The following SLC2A9 variants were observed in gnomAD, a reference collection of about 807,000 sequenced individuals.
SLC2A9 encodes the protein solute carrier family 2 member 9, also known as solute carrier family 2, facilitated glucose transporter member 9.
Under a neutral mutation model 50.6 loss-of-function variants are expected in SLC2A9, and 39 were observed. That is an observed-to-expected ratio of 0.77 (90% CI 0.60 to 1.01). The LOEUF is 1.01. Ranked by LOEUF, SLC2A9 falls within the 50% of genes least tolerant of loss-of-function variation. The pLI is 0.00. For synonymous variants in SLC2A9, 324 were observed against 276.9 expected, an observed-to-expected ratio of 1.17 and a Z score of -1.69; for missense variants, 686 against 677.6, an observed-to-expected ratio of 1.01 and a Z score of -0.14.
chr4:9,996,656 G>A (rs1245607451), intron 3 of SLC2A9, 125 bp downstream of exon 3: 2 of 1,186,608 alleles, frequency 1.7e-6, no homozygotes, highest in Non-Finnish European at 2.4e-6. Flanking sequence ...TTCCCCTTTG[G>A]GCATTTGAAT....
chr4:10,007,925 C>T (rs771429935), intron 2 of SLC2A9, among the ~76,000 whole-genome samples: 3 of 152,160 alleles, frequency 2.0e-5, no homozygotes, highest in African/African-American at 7.2e-5. Flanking sequence ...TGTGAAGTCC[C>T]GAGCATGATG....
upstream of SLC2A9, among the ~76,000 whole-genome samples, chr4:10,025,502 A>G (rs996234576): frequency 3.3e-5 from 5 of 152,234 alleles, no homozygotes; most frequent in Non-Finnish European, 4.4e-5. Flanking sequence ...AAGTCATTCT[A>G]TTAATAGGAG....
intron 3 of SLC2A9, chr4:9,782,976 A>G (rs1331180936): frequency 1.4e-5 from 22 of 1,613,970 alleles, no homozygotes; most frequent in Middle Eastern, 3.3e-4. Flanking sequence ...TTCATCCTTA[A>G]CTGCATGGTC....
upstream of SLC2A9, among the ~76,000 whole-genome samples, chr4:10,022,419 A>G (rs1352175198): frequency 6.6e-6 from 1 of 152,286 alleles, no homozygotes; most frequent in Non-Finnish European, 1.5e-5. Context: ...CTGAGGGGAC[A>G]TGTCCTGTAT....
intron 5 of SLC2A9, among the ~76,000 whole-genome samples, chr4:9,959,369 C>A (rs552433332): frequency 6.7e-6 from 1 of 149,440 alleles, no homozygotes; most frequent in East Asian, 1.9e-4. Context: ...TGCACTCTAG[C>A]CTCGGAGATA....
intron 10 of SLC2A9, among the ~76,000 whole-genome samples, chr4:9,850,420 C>T (rs1011711955): frequency 1.3e-5 from 2 of 152,160 alleles, no homozygotes; most frequent in Admixed American, 6.5e-5. Flanking sequence ...GTGTGACTGT[C>T]AGACCTGGAC....
At chr4:9,843,697 G>A (rs1421386172) in intron 10 of SLC2A9, among the ~76,000 whole-genome samples, 1 of 152,194 alleles carries the variant, frequency 6.6e-6, no homozygotes, top group Non-Finnish European at 1.5e-5. Context: ...AAGCTTAAAG[G>A]ACCTAATGCA....
At chr4:9,832,983 G>C (rs1180989302) in intron 11 of SLC2A9, among the ~76,000 whole-genome samples, 1 of 152,188 alleles carries the variant, frequency 6.6e-6, no homozygotes, top group East Asian at 1.9e-4. Flanking sequence ...TCAGTACTGG[G>C]CCATGTGAAG....
downstream of SLC2A9, among the ~76,000 whole-genome samples, chr4:9,778,956 C>T (rs139667654): frequency 3.8e-3 from 581 of 152,126 alleles, 6 homozygotes; most frequent in African/African-American, 0.013. Flanking sequence ...TTAGTAGAGA[C>T]GGGGTTTCAC....
chr4:9,819,210 T>C (rs1724063755), intron 3 of SLC2A9, among the ~76,000 whole-genome samples: 1 of 151,606 alleles, frequency 6.6e-6, no homozygotes, highest in African/African-American at 2.4e-5. Context: ...AGATGTTTTC[T>C]CCAGTACAGC....
chr4:9,994,564 C>CTTTTTTTTTTT (rs35574155), intron 3 of SLC2A9, among the ~76,000 whole-genome samples: 5 of 131,826 alleles, frequency 3.8e-5, no homozygotes, highest in African/African-American at 5.7e-5. Flanking sequence ...TTTCCTTTTC[C>CTTTTTTTTTTT]TTTTTTTTTT....
chr4:9,815,372 G>C (rs186636178), intron 3 of SLC2A9, among the ~76,000 whole-genome samples: 4 of 152,308 alleles, frequency 2.6e-5, no homozygotes, highest in Non-Finnish European at 4.4e-5. Flanking sequence ...TAACCTGCAT[G>C]GATTGAGTTT....
intron 10 of SLC2A9, chr4:9,879,369 T>TGC: frequency 5.1e-6 from 5 of 979,680 alleles, no homozygotes; most frequent in Non-Finnish European, 6.1e-6. Flanking sequence ...TGTGTGTGTG[T>TGC]ATTTATGTGT....
At chr4:9,939,964 T>C (rs995297126) in intron 6 of SLC2A9, among the ~76,000 whole-genome samples, 4 of 152,230 alleles carry the variant, frequency 2.6e-5, no homozygotes, top group Non-Finnish European at 4.4e-5. Context: ...AGAGTGCACA[T>C]GTAATATTTA....
upstream of SLC2A9, chr4:10,025,793 C>T: frequency 9.7e-7 from 1 of 1,026,140 alleles, no homozygotes; most frequent in Non-Finnish European, 1.5e-6. Flanking sequence ...TCACTCTTTT[C>T]TCTGCCCAGC....
At chr4:9,989,320 CT>C (rs1188653624) in intron 3 of SLC2A9, among the ~76,000 whole-genome samples, 1 of 152,212 alleles carries the variant, frequency 6.6e-6, no homozygotes, top group African/African-American at 2.4e-5. Context: ...GACCACCAAC[CT>C]CAAGAAGGGT....
chr4:9,937,179 G>T (rs1056430609), intron 6 of SLC2A9, among the ~76,000 whole-genome samples: 1 of 152,184 alleles, frequency 6.6e-6, no homozygotes, highest in Non-Finnish European at 1.5e-5. Flanking sequence ...AGTGAGGCTG[G>T]TCCTTACAGC....
chr4:10,003,483 AGACTCT>A (rs1286509334), intron 2 of SLC2A9, among the ~76,000 whole-genome samples: 4 of 152,306 alleles, frequency 2.6e-5, no homozygotes, highest in South Asian at 2.1e-4. Flanking sequence ...AAGCCTCTAT[AGACTCT>A]GGAGGGGCCA....
intron 11 of SLC2A9, among the ~76,000 whole-genome samples, chr4:9,830,833 C>T (rs1037905996): frequency 2.0e-5 from 3 of 152,190 alleles, no homozygotes; most frequent in Non-Finnish European, 4.4e-5. Flanking sequence ...AACAGGATCC[C>T]AGAGCCAGAG....
Sources: gnomAD v4.1 joint callset for allele counts (sites outside exome capture counted in the v4.1 genomes callset) on GRCh38, gnomAD v4.1.1 for gene constraint, MANE v1.5 for transcripts, NCBI Gene and HGNC (gene_info 2026-07-23, HGNC 2026-07-21) for gene names.